Variants in PCSK6 observed in about 807,000 individuals in gnomAD.
PCSK6 encodes the protein proprotein convertase subtilisin/kexin type 6, also known as paired basic amino acid cleaving enzyme 4.
In PCSK6, 85 loss-of-function variants were observed where a neutral mutation model predicts 123.3. That is an observed-to-expected ratio of 0.69 (90% CI 0.58 to 0.83). PCSK6 has a LOEUF of 0.83. Among genes scored for constraint, PCSK6 ranks in the 40% least tolerant of loss-of-function variants. The pLI is 0.00. For missense variants in PCSK6, 1,191 were observed against 1,282.3 expected, an observed-to-expected ratio of 0.93 and a Z score of 1.09; for synonymous variants, 508 against 516.0, an observed-to-expected ratio of 0.98 and a Z score of 0.21.
rs376465439 is a variant in PCSK6, at chr15:101,318,302, G to A, written c.2569+17C>T. On this transcript the variant is annotated intron_variant, in intron 19 of 21. Coordinates refer to ENST00000611716, the MANE Select transcript of PCSK6 (RefSeq NM_002570.5). The stretch of plus-strand genomic sequence containing the variant: ...TGGGTGACGCTGGCCCGAGGCCTCC[G>A]CAGGCGGTGAACTCACCCACGCAGG... The A allele has an allele frequency of 6.8e-5, 104 of 1,539,070 alleles. 1 individual carries two copies. In the Middle Eastern group the frequency reaches 6.8e-4, roughly 10 times the overall value.
At chr15:101,360,276 G>C (rs898687175) in intron 13 of PCSK6, among the ~76,000 whole-genome samples, 1 of 152,178 alleles carries the variant, frequency 6.6e-6, no homozygotes, top group African/African-American at 2.4e-5. Context: ...CCAGCTGTCA[G>C]CCTATTAACA....
intron 1 of PCSK6, among the ~76,000 whole-genome samples, chr15:101,474,390 T>A (rs2057677106): frequency 6.6e-6 from 1 of 152,126 alleles, no homozygotes; most frequent in Non-Finnish European, 1.5e-5. Context: ...AGAGGACACG[T>A]GGAAAGCTAA....
chr15:101,326,808 G>A (rs983390590), intron 15 of PCSK6, among the ~76,000 whole-genome samples: 3 of 152,346 alleles, frequency 2.0e-5, no homozygotes, highest in Admixed American at 6.5e-5. Flanking sequence ...GGGAGGGAGA[G>A]GCTGGAACAG....
At chr15:101,330,989 C>T (rs1464808748) in intron 15 of PCSK6, among the ~76,000 whole-genome samples, 2 of 152,168 alleles carry the variant, frequency 1.3e-5, no homozygotes, top group Non-Finnish European at 2.9e-5. Flanking sequence ...TAGATATCAC[C>T]CATCATTTAT....
At chr15:101,315,331 C>T (rs187285807) in intron 19 of PCSK6, among the ~76,000 whole-genome samples, 211 of 152,254 alleles carry the variant, frequency 1.4e-3, no homozygotes, top group Non-Finnish European at 1.9e-3. Flanking sequence ...ATTTTCTAAG[C>T]GACCTATTTT....
At chr15:101,421,546 C>A (rs1395188844) in intron 6 of PCSK6, among the ~76,000 whole-genome samples, 1 of 152,160 alleles carries the variant, frequency 6.6e-6, no homozygotes, top group Non-Finnish European at 1.5e-5. Context: ...TCTTGAATCA[C>A]TTGTTATAAA....
intron 18 of PCSK6, among the ~76,000 whole-genome samples, chr15:101,320,350 T>A (rs1295553046): frequency 6.6e-6 from 1 of 152,180 alleles, no homozygotes; most frequent in Non-Finnish European, 1.5e-5. Context: ...CCTCCCAAAG[T>A]GCTGGGATTA....
intron 13 of PCSK6, chr15:101,334,639 T>G (rs1376808923): frequency 6.6e-6 from 1 of 152,350 alleles, no homozygotes; most frequent in East Asian, 1.9e-4. Flanking sequence ...GTGATGATGG[T>G]AGGACAGGGA....
At chr15:101,451,171 A>C (rs1314329443) in intron 1 of PCSK6, among the ~76,000 whole-genome samples, 1 of 151,930 alleles carries the variant, frequency 6.6e-6, no homozygotes, top group Non-Finnish European at 1.5e-5. Flanking sequence ...GCCAGAAAAG[A>C]CTAAATGTTT....
chr15:101,382,952 C>T (rs541162298), intron 10 of PCSK6, among the ~76,000 whole-genome samples: 59 of 152,192 alleles, frequency 3.9e-4, no homozygotes, highest in African/African-American at 1.3e-3. Context: ...GAATGTCCCT[C>T]GGCACTTAGG....
intron 1 of PCSK6, among the ~76,000 whole-genome samples, chr15:101,465,406 T>C (rs930402121): frequency 3.6e-4 from 55 of 152,298 alleles, no homozygotes; most frequent in African/African-American, 1.3e-3. Flanking sequence ...AACAGGACCA[T>C]CTGATGGTAC....
intron 1 of PCSK6, among the ~76,000 whole-genome samples, chr15:101,457,135 G>A (rs978100331): frequency 2.0e-4 from 30 of 152,014 alleles, no homozygotes; most frequent in Non-Finnish European, 3.1e-4. Context: ...TCGTGCCACC[G>A]CACTCCAGCC....
intron 13 of PCSK6, 30 bp from the exon 14 acceptor site, chr15:101,332,061 T>C (rs763465129): frequency 1.3e-6 from 2 of 1,558,378 alleles, no homozygotes; most frequent in Admixed American, 3.7e-5. Context: ...CAGAGTTACC[T>C]GCCTGTGCCA....
intron 13 of PCSK6, among the ~76,000 whole-genome samples, chr15:101,362,513 C>T (rs771678223): frequency 1.3e-5 from 2 of 152,154 alleles, no homozygotes; most frequent in African/African-American, 2.4e-5. Context: ...GGGGTATGTG[C>T]GAGAGGATCA....
At chr15:101,475,128 A>T (rs7168099) in intron 1 of PCSK6, among the ~76,000 whole-genome samples, 16,304 of 152,148 alleles carry the variant, frequency 0.11, 1,010 homozygotes, top group African/African-American at 0.18. Context: ...ATCCTAAAAC[A>T]TTTGGACTCC....
At chr15:101,412,691 T>TTTATATATATATATATATATA (rs772007096) in intron 6 of PCSK6, among the ~76,000 whole-genome samples, 1 of 124,744 alleles carries the variant, frequency 8.0e-6, no homozygotes, top group African/African-American at 3.5e-5. Context: ...AACTGGAAAA[T>TTTATATATATATATATATATA]TATATATATA....
At chr15:101,441,185 AG>A (rs1434586775) in intron 2 of PCSK6, among the ~76,000 whole-genome samples, 1 of 152,148 alleles carries the variant, frequency 6.6e-6, no homozygotes, top group African/African-American at 2.4e-5. Flanking sequence ...GCCTTTGCCT[AG>A]GAAGTCTCTA....
chr15:101,406,280 C>T (rs974685635), intron 6 of PCSK6, among the ~76,000 whole-genome samples: 5 of 152,138 alleles, frequency 3.3e-5, no homozygotes, highest in African/African-American at 1.2e-4. Context: ...GGGGGGATAA[C>T]GGCTGGAGGA....
At chr15:101,392,729 C>A (rs182356128) in intron 8 of PCSK6, among the ~76,000 whole-genome samples, 1 of 151,708 alleles carries the variant, frequency 6.6e-6, no homozygotes, top group African/African-American at 2.4e-5. Context: ...AGACAGAAAC[C>A]ACTGCTCGAC....
Sources: allele counts gnomAD v4.1 joint callset (sites outside exome capture counted in the v4.1 genomes callset), GRCh38; gene constraint gnomAD v4.1.1; transcripts MANE v1.5; gene names NCBI Gene and HGNC (gene_info 2026-07-23, HGNC 2026-07-21).